The following ASCC1 variants were observed in gnomAD, a reference collection of about 807,000 sequenced individuals.
ASCC1 encodes the protein ASC-1 complex subunit P50.
Under a neutral mutation model 46.6 loss-of-function variants are expected in ASCC1, and 35 were observed. That is an observed-to-expected ratio of 0.75 (90% CI 0.57 to 0.99). ASCC1 has a LOEUF of 0.99. Among genes scored for constraint, ASCC1 ranks in the 50% least tolerant of loss-of-function variants. The pLI, the probability that ASCC1 is intolerant of heterozygous loss-of-function variation, is 0.00. For synonymous variants in ASCC1, 143 were observed against 146.6 expected (o/e 0.98, Z 0.18); for missense variants, 376 against 428.7 (o/e 0.88, Z 1.09).
chr10:72,195,092 C>T (rs1044305058), intron 5 of ASCC1, among the ~76,000 whole-genome samples: 5 of 148,370 alleles, frequency 3.4e-5, no homozygotes, highest in African/African-American at 1.0e-4. Context: ...CTTGTTCTCA[C>T]GAAGTAGGTT....
chr10:72,099,999 C>G (rs1353545062), intron 9 of ASCC1, among the ~76,000 whole-genome samples: 2 of 152,116 alleles, frequency 1.3e-5, no homozygotes, highest in Non-Finnish European at 2.9e-5. Context: ...TTAAATATCT[C>G]TCTGCCATCA....
intron 6 of ASCC1, among the ~76,000 whole-genome samples, chr10:72,155,235 C>T (rs1356289839): frequency 6.6e-6 from 1 of 152,156 alleles, no homozygotes; most frequent in Non-Finnish European, 1.5e-5. Flanking sequence ...TCCTTTGCAA[C>T]TTTTTGAACT....
chr10:72,122,949 T>C (rs191016311), intron 9 of ASCC1, among the ~76,000 whole-genome samples: 64 of 152,238 alleles, frequency 4.2e-4, no homozygotes, highest in South Asian at 2.7e-3. Context: ...AGAAAAATGA[T>C]ATAAAATCAA....
At chr10:72,127,245 T>C (rs1589255540) in intron 9 of ASCC1, among the ~76,000 whole-genome samples, 3 of 152,198 alleles carry the variant, frequency 2.0e-5, no homozygotes, top group Non-Finnish European at 4.4e-5. Flanking sequence ...AACCTCTCCA[T>C]TAGTATCAAC....
chr10:72,176,001 CAATTAT>C (rs1230727684), intron 5 of ASCC1, among the ~76,000 whole-genome samples: 2 of 152,244 alleles, frequency 1.3e-5, no homozygotes, highest in East Asian at 1.9e-4. Context: ...GCAATAATTA[CAATTAT>C]AACAACAATA....
chr10:72,207,496 G>C (rs1857387948), intron 3 of ASCC1, among the ~76,000 whole-genome samples: 1 of 152,222 alleles, frequency 6.6e-6, no homozygotes, highest in South Asian at 2.1e-4. Context: ...ATACATAAGA[G>C]GAAATTCCTA....
At chr10:72,212,445 G>A (rs1470630824) in intron 2 of ASCC1, among the ~76,000 whole-genome samples, 3 of 151,368 alleles carry the variant, frequency 2.0e-5, no homozygotes, top group Non-Finnish European at 4.4e-5. Context: ...TAGATTACAT[G>A]CAAAAACCAC....
intron 5 of ASCC1, among the ~76,000 whole-genome samples, chr10:72,162,336 A>G (rs1419587234): frequency 6.6e-6 from 1 of 151,636 alleles, no homozygotes; most frequent in African/African-American, 2.4e-5. Flanking sequence ...ACGCCCGGCT[A>G]ATTTTTTTGT....
At chr10:72,177,944 T>C (rs748397740) in intron 5 of ASCC1, among the ~76,000 whole-genome samples, 7 of 152,186 alleles carry the variant, frequency 4.6e-5, no homozygotes, top group Admixed American at 1.3e-4. Context: ...ATAGTGATAA[T>C]GTCTGCAGTC....
chr10:72,192,988 T>C (rs532038086), intron 5 of ASCC1, among the ~76,000 whole-genome samples: 5 of 152,310 alleles, frequency 3.3e-5, no homozygotes, highest in Admixed American at 6.5e-5. Flanking sequence ...TAATATCAAA[T>C]GCTAGTGAGG....
At chr10:72,186,576 G>C (rs1853481168) in intron 5 of ASCC1, among the ~76,000 whole-genome samples, 1 of 152,138 alleles carries the variant, frequency 6.6e-6, no homozygotes. Flanking sequence ...TAAATGCAGA[G>C]TACTACTGGA....
intron 3 of ASCC1, among the ~76,000 whole-genome samples, chr10:72,209,437 G>A (rs1857718129): frequency 6.6e-6 from 1 of 152,104 alleles, no homozygotes. Flanking sequence ...AGCCAAGATT[G>A]TGCCACTGCA....
chr10:72,143,043 C>T, intron 7 of ASCC1, among the ~76,000 whole-genome samples: 1 of 151,744 alleles, frequency 6.6e-6, no homozygotes, highest in Non-Finnish European at 1.5e-5. Context: ...CGCCTGTAGT[C>T]CCAGCTACTC....
At chr10:72,105,795 T>C (rs1842283522) in intron 9 of ASCC1, among the ~76,000 whole-genome samples, 1 of 152,120 alleles carries the variant, frequency 6.6e-6, no homozygotes, top group African/African-American at 2.4e-5. Flanking sequence ...CTGTGGTTAT[T>C]TTTCCTTGCA....
At chr10:72,185,288 G>A (rs1853285891) in intron 5 of ASCC1, among the ~76,000 whole-genome samples, 1 of 152,042 alleles carries the variant, frequency 6.6e-6, no homozygotes, top group Non-Finnish European at 1.5e-5. Context: ...TTACCCAAGA[G>A]GTATAAAAAC....
intron 9 of ASCC1, among the ~76,000 whole-genome samples, chr10:72,101,258 T>C (rs776723836): frequency 2.6e-5 from 4 of 152,174 alleles, no homozygotes; most frequent in Non-Finnish European, 4.4e-5. Flanking sequence ...TACTCTGTGA[T>C]CTGTGTAGCT....
At chr10:72,204,664 G>A (rs758046472) in intron 3 of ASCC1, among the ~76,000 whole-genome samples, 13 of 152,130 alleles carry the variant, frequency 8.5e-5, no homozygotes, top group Admixed American at 2.6e-4. Flanking sequence ...AAAACTATTC[G>A]TTAGTTTTTG....
intron 6 of ASCC1, among the ~76,000 whole-genome samples, chr10:72,157,078 G>T (rs930074076): frequency 6.6e-6 from 1 of 152,076 alleles, no homozygotes; most frequent in East Asian, 1.9e-4. Flanking sequence ...AAGTGCTTGG[G>T]TTACAGGCAT....
At chr10:72,149,373 G>C (rs1450372859) in intron 7 of ASCC1, among the ~76,000 whole-genome samples, 1 of 141,822 alleles carries the variant, frequency 7.1e-6, no homozygotes, top group Non-Finnish European at 1.5e-5. Flanking sequence ...GGGAGGCGGA[G>C]CTTGCAGTAA....
Sources: gnomAD v4.1 joint callset for allele counts (sites outside exome capture counted in the v4.1 genomes callset) on GRCh38, gnomAD v4.1.1 for gene constraint, MANE v1.5 for transcripts, NCBI Gene and HGNC (gene_info 2026-07-23, HGNC 2026-07-21) for gene names.